ATP2C2: variants seen among roughly 807,000 people sequenced by gnomAD.
ATP2C2 encodes calcium-transporting ATPase type 2C member 2.
ATP2C2 carries 171 observed loss-of-function variants against 110.8 expected under a neutral mutation model. The ratio of observed to expected loss-of-function variants is 1.54; its 90% confidence interval spans 1.36 to 1.75. The LOEUF (loss-of-function observed/expected upper bound fraction) is 1.75. Among genes scored for constraint, ATP2C2 ranks in the 40% most tolerant of loss-of-function variants. The probability of loss-of-function intolerance (pLI) is 0.00; values close to 1 mark genes in which losing one functional copy is unlikely to be tolerated. For missense variants in ATP2C2, 1,963 were observed against 1,235.0 expected, an observed-to-expected ratio of 1.59 and a Z score of -8.84; for synonymous variants, 804 against 508.4, an observed-to-expected ratio of 1.58 and a Z score of -7.82.
chr16:84,443,818 C>T (rs1909490259), intron 15 of ATP2C2, among the ~76,000 whole-genome samples: 1 of 152,112 alleles, frequency 6.6e-6, no homozygotes, highest in African/African-American at 2.4e-5. Context: ...GAGAGGTGGT[C>T]GCCCTCTCAT....
chr16:84,393,305 C>T (rs1406901680), intron 1 of ATP2C2, among the ~76,000 whole-genome samples: 2 of 152,114 alleles, frequency 1.3e-5, no homozygotes, highest in African/African-American at 2.4e-5. Context: ...GAGGGGGGTG[C>T]CCAGGTAAGC....
intron 3 of ATP2C2, among the ~76,000 whole-genome samples, chr16:84,407,732 A>ATGGG (rs1905902143): frequency 2.6e-5 from 4 of 152,066 alleles, no homozygotes; most frequent in Admixed American, 2.6e-4. Context: ...TCTGCCTCCC[A>ATGGG]AAGGGCTGGG....
intron 6 of ATP2C2, among the ~76,000 whole-genome samples, chr16:84,411,874 G>C (rs904831392): frequency 1.3e-5 from 2 of 152,176 alleles, no homozygotes. Flanking sequence ...TGCCATTGGT[G>C]GAGGAAGCTG....
At chr16:84,400,531 G>A (rs996179836) in intron 2 of ATP2C2, among the ~76,000 whole-genome samples, 1 of 152,048 alleles carries the variant, frequency 6.6e-6, no homozygotes, top group Non-Finnish European at 1.5e-5. Flanking sequence ...GTTTCACCGT[G>A]TTAGCCAGGA....
rs756309929 is a variant in ATP2C2 at position 84,415,552 on chromosome 16, G to A, written c.585G>A (p.Ser195=). The change falls in exon 7 of 27, where the codon TCG becomes TCA. Residue 195 remains serine (S), a synonymous_variant. Coordinates refer to ENST00000262429, the MANE Select transcript of ATP2C2 (RefSeq NM_014861.4). ...ELVPGDVVSL[S]IGDRIPADIR... ...TTCCTGGTGATGTCGTATCTCTCTC[G>A]ATCGGAGACCGGATCCCTGCAGACA... The A allele has an allele frequency of 6.2e-6, 10 of 1,613,954 alleles. No individual in the cohort carries two copies. The highest frequency in any genetic ancestry group is 1.7e-5 in the Admixed American group (1 of 60,002).
chr16:84,460,687 C>T lies in ATP2C2; in HGVS notation c.2367C>T (p.Phe789=). The change falls in exon 24 of 27, where the codon TTC becomes TTT. Residue 789 remains phenylalanine (F), a synonymous_variant. Transcript: ENST00000262429. ...LGVEPVDKDA[F]RQPPRSVRDT... is the part of the protein sequence containing the mutation. ...TAGAGCCCGTTGACAAAGACGCCTT[C>T]AGGCAGCCACCACGGAGTGTGCGGG... is the stretch of plus-strand genomic sequence containing the variant. 6.2e-7 allele frequency: 1 copy of T among 1,614,246 alleles called. No individual in the cohort carries two copies. Among genetic ancestry groups the T allele is most frequent in the Non-Finnish European group, 8.5e-7 (1 of 1,180,048 alleles).
At chr16:84,416,907 T>A (rs1031138051) in intron 7 of ATP2C2, among the ~76,000 whole-genome samples, 3 of 129,236 alleles carry the variant, frequency 2.3e-5, no homozygotes, top group Non-Finnish European at 3.4e-5. Flanking sequence ...ACGTTTTCCT[T>A]CTCCCGAGAA....
chr16:84,423,033 C>T (rs1341803907), intron 9 of ATP2C2, among the ~76,000 whole-genome samples, 155 bp from the exon 10 acceptor site: 3 of 152,198 alleles, frequency 2.0e-5, no homozygotes, highest in East Asian at 1.9e-4. Flanking sequence ...GTAATACGCA[C>T]AGGTCTTCAG....
At chr16:84,459,618 C>G (rs1396507762) in intron 23 of ATP2C2, 18 of 1,524,334 alleles carry the variant, frequency 1.2e-5, no homozygotes, top group Non-Finnish European at 1.5e-5. Flanking sequence ...TCTGCTCCCT[C>G]TGCCTGGATG....
At chr16:84,373,719 A>G (rs896950557) in intron 1 of ATP2C2, among the ~76,000 whole-genome samples, 20 of 152,212 alleles carry the variant, frequency 1.3e-4, no homozygotes, top group African/African-American at 4.8e-4. Flanking sequence ...AGAAAGAAAT[A>G]TTTCCTTCAA....
At chr16:84,420,415 T>C (rs1907222885) in intron 7 of ATP2C2, among the ~76,000 whole-genome samples, 1 of 151,536 alleles carries the variant, frequency 6.6e-6, no homozygotes. Flanking sequence ...TCCTTCCTCC[T>C]TCTCTTCGTA....
At chr16:84,455,607 C>G (rs575443055) in intron 21 of ATP2C2, among the ~76,000 whole-genome samples, 3 of 151,980 alleles carry the variant, frequency 2.0e-5, no homozygotes, top group Non-Finnish European at 2.9e-5. Context: ...ATAAGCTAAT[C>G]GCAGTGGTTA....
chr16:84,382,082 C>T (rs1323367163), intron 1 of ATP2C2, among the ~76,000 whole-genome samples: 1 of 152,116 alleles, frequency 6.6e-6, no homozygotes, highest in Non-Finnish European at 1.5e-5. Flanking sequence ...GTTTGCTGCA[C>T]CCATCAACCC....
intron 22 of ATP2C2, 22 bp downstream of exon 22, chr16:84,459,210 G>A (rs755072421): frequency 1.9e-5 from 30 of 1,614,062 alleles, no homozygotes; most frequent in Middle Eastern, 3.3e-4. Context: ...CCAGCATTCC[G>A]AGTGTCATTA....
At chr16:84,430,970 C>T (rs1908226164) in intron 11 of ATP2C2, among the ~76,000 whole-genome samples, 1 of 152,040 alleles carries the variant, frequency 6.6e-6, no homozygotes, top group Non-Finnish European at 1.5e-5. Flanking sequence ...CTATCCTTGG[C>T]GGCCATTGGC....
chr16:84,423,142 G>T, intron 9 of ATP2C2, 46 bp from the exon 10 acceptor site: 1 of 1,539,834 alleles, frequency 6.5e-7, no homozygotes, highest in South Asian at 1.1e-5. Context: ...AAGGCAGGCA[G>T]AAGCTAGGAT....
At chr16:84,400,213 T>C (rs1429675496) in intron 2 of ATP2C2, among the ~76,000 whole-genome samples, 2 of 152,228 alleles carry the variant, frequency 1.3e-5, no homozygotes, top group Non-Finnish European at 2.9e-5. Context: ...TTGTGAATAC[T>C]CCTGCGATAA....
intron 1 of ATP2C2, among the ~76,000 whole-genome samples, chr16:84,382,158 C>T (rs1217910240): frequency 6.6e-6 from 1 of 152,072 alleles, no homozygotes; most frequent in Non-Finnish European, 1.5e-5. Flanking sequence ...CTGACAGGCC[C>T]CGGTGTGTGA....
rs1380999569 is a variant in ATP2C2 at position 84,442,602 on chromosome 16, A to G, written c.1401+3A>G. ...CATTGATGGCCCTGGCGATGAAGGT[A>G]GGAGGTCCTGGGGTGGCTCTGCGGG... On this transcript the variant is annotated splice_donor_region_variant and intron_variant, in intron 15 of 26. Coordinates refer to ENST00000262429, the MANE Select transcript of ATP2C2 (RefSeq NM_014861.4). 3 of 1,613,572 alleles carry G rather than the reference A, an allele frequency of 1.9e-6. No homozygotes were observed. In the African/African-American group the frequency reaches 4.0e-5, roughly 22 times the overall value.
Sources: allele counts gnomAD v4.1 joint callset (sites outside exome capture counted in the v4.1 genomes callset), GRCh38; gene constraint gnomAD v4.1.1; transcripts MANE v1.5; gene names NCBI Gene and HGNC (gene_info 2026-07-23, HGNC 2026-07-21).